TAFA4: variants seen among roughly 807,000 people sequenced by gnomAD.
The protein encoded by TAFA4 is TAFA chemokine like family member 4.
TAFA4 carries 20 observed loss-of-function variants against 21.1 expected under a neutral mutation model. That is an observed-to-expected ratio of 0.95 (90% CI 0.67 to 1.38). TAFA4 has a LOEUF of 1.38. TAFA4 is among the 40% of genes most tolerant of loss of function. The pLI is 0.00. For missense variants in TAFA4, 211 were observed against 180.9 expected (o/e 1.17, Z -0.95); for synonymous variants, 71 against 67.4 (o/e 1.05, Z -0.26).
At chr3:68,736,288 CAG>C (rs942415979) in intron 5 of TAFA4, among the ~76,000 whole-genome samples, 2 of 151,958 alleles carry the variant, frequency 1.3e-5, no homozygotes, top group East Asian at 1.9e-4. Flanking sequence ...GGCAGGTCCA[CAG>C]AGAGAGTCAT....
intron 5 of TAFA4, among the ~76,000 whole-genome samples, chr3:68,736,660 A>G (rs919049873): frequency 2.3e-4 from 35 of 152,238 alleles, no homozygotes; most frequent in African/African-American, 7.7e-4. Flanking sequence ...CTGCTTTTCT[A>G]GGACCTCTGT....
intron 3 of TAFA4, among the ~76,000 whole-genome samples, chr3:68,815,315 G>A (rs928349533): frequency 6.6e-6 from 1 of 152,140 alleles, no homozygotes; most frequent in Non-Finnish European, 1.5e-5. Context: ...TGACAAATGG[G>A]ATCTCATTAA....
At chr3:68,922,858 C>G (rs759569907) in intron 1 of TAFA4, among the ~76,000 whole-genome samples, 1 of 152,130 alleles carries the variant, frequency 6.6e-6, no homozygotes, top group Non-Finnish European at 1.5e-5. Flanking sequence ...CATGACTTTT[C>G]CCCTACTACT....
chr3:68,860,205 C>A (rs1199182548), intron 3 of TAFA4, among the ~76,000 whole-genome samples: 4 of 152,038 alleles, frequency 2.6e-5, no homozygotes, highest in Non-Finnish European at 4.4e-5. Flanking sequence ...GTATCAATTT[C>A]TCTGAAAACA....
chr3:68,926,453 T>G (rs1680794368), intron 1 of TAFA4, among the ~76,000 whole-genome samples: 2 of 152,246 alleles, frequency 1.3e-5, no homozygotes, highest in South Asian at 4.1e-4. Flanking sequence ...AACAGAAGCC[T>G]AGGGTGATGA....
At chr3:68,899,288 ATTATT>A (rs2089822113) in intron 1 of TAFA4, among the ~76,000 whole-genome samples, 1 of 152,254 alleles carries the variant, frequency 6.6e-6, no homozygotes, top group African/African-American at 2.4e-5. Context: ...ATGTAGAAAT[ATTATT>A]TTAGACATAG....
At chr3:68,900,763 C>A (rs531178607) in intron 1 of TAFA4, among the ~76,000 whole-genome samples, 6 of 152,256 alleles carry the variant, frequency 3.9e-5, no homozygotes, top group African/African-American at 1.4e-4. Context: ...GATTTGAACA[C>A]CTAAACTTAA....
intron 3 of TAFA4, among the ~76,000 whole-genome samples, chr3:68,823,145 C>A (rs1704149602): frequency 6.6e-6 from 1 of 152,116 alleles, no homozygotes; most frequent in African/African-American, 2.4e-5. Flanking sequence ...AGGATTCAAA[C>A]CTGAGGTCTT....
intron 3 of TAFA4, among the ~76,000 whole-genome samples, chr3:68,773,725 C>T (rs1238975724): frequency 2.6e-5 from 4 of 152,106 alleles, no homozygotes; most frequent in African/African-American, 9.7e-5. Flanking sequence ...TATTATGCCA[C>T]ATCAGGTAAA....
chr3:68,924,532 A>G (rs566535617), intron 1 of TAFA4, among the ~76,000 whole-genome samples: 3 of 152,348 alleles, frequency 2.0e-5, no homozygotes, highest in South Asian at 2.1e-4. Flanking sequence ...TGCACCACGA[A>G]AAAGGTTCTG....
At chr3:68,843,688 T>C (rs1373814363) in intron 3 of TAFA4, among the ~76,000 whole-genome samples, 3 of 152,250 alleles carry the variant, frequency 2.0e-5, no homozygotes, top group Non-Finnish European at 4.4e-5. Context: ...TGAGATACGG[T>C]CCACCAATAC....
intron 3 of TAFA4, among the ~76,000 whole-genome samples, chr3:68,815,905 C>G (rs150740326): frequency 4.1e-4 from 62 of 152,180 alleles, no homozygotes; most frequent in Admixed American, 1.2e-3. Flanking sequence ...CCAAAGACTT[C>G]GAACCAACCC....
At chr3:68,765,761 T>G (rs1702841490) in intron 3 of TAFA4, among the ~76,000 whole-genome samples, 1 of 152,126 alleles carries the variant, frequency 6.6e-6, no homozygotes, top group Admixed American at 6.6e-5. Context: ...TTGACAGACA[T>G]TTAATAGCCT....
At chr3:68,733,179 A>G (rs761626970) in intron 5 of TAFA4, 26 bp from the exon 6 acceptor site, 45 of 1,612,904 alleles carry the variant, frequency 2.8e-5, no homozygotes, top group Middle Eastern at 1.7e-4. Context: ...ATAAGGGAAC[A>G]TTCAACACTC....
At chr3:68,762,005 G>GA (rs1464904371) in intron 3 of TAFA4, among the ~76,000 whole-genome samples, 2 of 151,966 alleles carry the variant, frequency 1.3e-5, no homozygotes, top group Non-Finnish European at 2.9e-5. Flanking sequence ...AGGTAACTGA[G>GA]AGAAGTCCAG....
At chr3:68,837,044 C>G (rs1453451050) in intron 3 of TAFA4, among the ~76,000 whole-genome samples, 1 of 152,222 alleles carries the variant, frequency 6.6e-6, no homozygotes, top group Admixed American at 6.5e-5. Context: ...TAAAGTGTGA[C>G]TGGGACACAA....
At chr3:68,765,425 T>G (rs1277492362) in intron 3 of TAFA4, among the ~76,000 whole-genome samples, 1 of 152,188 alleles carries the variant, frequency 6.6e-6, no homozygotes, top group African/African-American at 2.4e-5. Flanking sequence ...GCATTTTTTT[T>G]TATCATAACC....
chr3:68,822,209 A>C (rs1704128616), intron 3 of TAFA4, among the ~76,000 whole-genome samples: 1 of 152,218 alleles, frequency 6.6e-6, no homozygotes, highest in South Asian at 2.1e-4. Flanking sequence ...AAACAATTTA[A>C]CGAGCATTTG....
At chr3:68,905,207 T>G (rs565724080) in intron 1 of TAFA4, among the ~76,000 whole-genome samples, 3 of 136,440 alleles carry the variant, frequency 2.2e-5, no homozygotes, top group Non-Finnish European at 3.0e-5. Flanking sequence ...CAGGCTAGAG[T>G]GCAAGTGGTG....
Sources: allele counts gnomAD v4.1 joint callset (sites outside exome capture counted in the v4.1 genomes callset), GRCh38; gene constraint gnomAD v4.1.1; transcripts MANE v1.5; gene names NCBI Gene and HGNC (gene_info 2026-07-23, HGNC 2026-07-21).